The following ABCC4 variants were observed in gnomAD, a reference collection of about 807,000 sequenced individuals.
The protein encoded by ABCC4 is ATP-binding cassette sub-family C member 4.
In ABCC4, 102 loss-of-function variants were observed where a neutral mutation model predicts 168.5. The ratio of observed to expected loss-of-function variants is 0.61; its 90% CI spans 0.52 to 0.71. ABCC4 has a LOEUF of 0.71. Ranked by LOEUF, ABCC4 falls within the 30% of genes least tolerant of loss-of-function variation. The pLI, the probability that ABCC4 is intolerant of heterozygous loss-of-function variation, is 0.00. For synonymous variants in ABCC4, 617 were observed against 590.7 expected (o/e 1.04, Z -0.65); for missense variants, 1,402 against 1,605.8 (o/e 0.87, Z 2.17).
chr13:95,241,133 G>C (rs1397107436), intron 3 of ABCC4, among the ~76,000 whole-genome samples: 1 of 152,012 alleles, frequency 6.6e-6, no homozygotes, highest in Non-Finnish European at 1.5e-5. Flanking sequence ...GGGAGGCCAA[G>C]GTGGGTGAAT....
intron 16 of ABCC4, 129 bp downstream of exon 16, chr13:95,164,249 C>T: frequency 8.7e-7 from 1 of 1,156,002 alleles, no homozygotes; most frequent in Non-Finnish European, 1.2e-6. Context: ...AGGCAGCCCT[C>T]ACTTTGTTCC....
chr13:95,253,041 T>G (rs576124274), intron 1 of ABCC4, among the ~76,000 whole-genome samples: 46 of 152,340 alleles, frequency 3.0e-4, no homozygotes, highest in Admixed American at 5.2e-4. Flanking sequence ...GAATGCCTTT[T>G]ATTCCTCATT....
intron 4 of ABCC4, 91 bp downstream of exon 4, chr13:95,234,519 T>G: frequency 9.6e-7 from 1 of 1,044,656 alleles, no homozygotes; most frequent in Non-Finnish European, 1.4e-6. Context: ...GTGCAGTGGC[T>G]ATTTATGCAG....
Position 95,201,276 on chromosome 13 carries a change from T to TG in ABCC4, c.1161+5255dup, listed in dbSNP as rs532199324. On this transcript the variant is annotated intron_variant, in intron 8 of 30. Coordinates refer to ENST00000645237, the MANE Select transcript of ABCC4 (RefSeq NM_005845.5). ...TAGACACAGGTGAGTTGCATTTTGGTGGGAAAAAAATAAAAAATCCTAAGG... is the reference window on the plus strand; with the variant it reads ...TAGACACAGGTGAGTTGCATTTTGGTGGGGAAAAAAATAAAAAATCCTAAGG... Among the ~76,000 whole-genome samples the TG allele has an allele frequency of 1.1e-3, 171 of 152,260 alleles. 1 individual carries two copies. Among genetic ancestry groups the TG allele is most frequent in the African/African-American group, 4.0e-3 (166 of 41,552 alleles).
rs551486632 is a variant in ABCC4, at chr13:95,121,868, C to A, written c.2456-5867G>T. Reference sequence around the variant, plus strand: ...ACATAGGGCCTTACATCCATTGGGACCTTCACATAGAGATTGCCTCTGAAG... The same window carrying A: ...ACATAGGGCCTTACATCCATTGGGAACTTCACATAGAGATTGCCTCTGAAG... On this transcript the variant is annotated intron_variant, in intron 19 of 30. Coordinates refer to ENST00000645237, the MANE Select transcript of ABCC4 (RefSeq NM_005845.5). 7.9e-5 allele frequency among the ~76,000 whole-genome samples: 12 copies of A among 152,288 alleles called. No homozygotes were observed. The South Asian group carries it at 2.3e-3, about 29-fold the overall frequency.
At chr13:95,021,895 G>A (rs1443085835) in intron 30 of ABCC4, among the ~76,000 whole-genome samples, 1 of 152,132 alleles carries the variant, frequency 6.6e-6, no homozygotes, top group Admixed American at 6.5e-5. Flanking sequence ...ACAACCTGTA[G>A]ATCCATTTTA....
chr13:95,265,872 A>T (rs1367592751), intron 1 of ABCC4, among the ~76,000 whole-genome samples: 1 of 152,168 alleles, frequency 6.6e-6, no homozygotes, highest in Non-Finnish European at 1.5e-5. Context: ...AGACTTAGAT[A>T]ACTGTGAAGG....
At chr13:95,073,143 C>G in intron 24 of ABCC4, 61 bp downstream of exon 24, 1 of 1,376,420 alleles carries the variant, frequency 7.3e-7, no homozygotes, top group East Asian at 2.3e-5. Flanking sequence ...ATAAGAATGG[C>G]TTTTATACCA....
intron 25 of ABCC4, among the ~76,000 whole-genome samples, chr13:95,064,260 G>GTGTATATA (rs1269029410): frequency 4.2e-4 from 9 of 21,498 alleles, no homozygotes; most frequent in African/African-American, 1.5e-3. Context: ...GTGTGTGTGT[G>GTGTATATA]TATATATATA....
chr13:95,291,047 G>A (rs1366232849), intron 1 of ABCC4, among the ~76,000 whole-genome samples: 5 of 146,968 alleles, frequency 3.4e-5, no homozygotes, highest in African/African-American at 1.2e-4. Flanking sequence ...CCCTTTTCTT[G>A]GTAGGGTTTC....
At chr13:95,296,157 CACACACACACACACACACACACACACAA>C (rs1325625856) in intron 1 of ABCC4, among the ~76,000 whole-genome samples, 2 of 63,602 alleles carry the variant, frequency 3.1e-5, no homozygotes, top group Admixed American at 2.5e-4. Context: ...CACACACACA[CACACACACACACACACACACACACACAA>C]AAACACAAAA....
chr13:95,037,529 C>T (rs2032173611), intron 29 of ABCC4, among the ~76,000 whole-genome samples: 1 of 152,192 alleles, frequency 6.6e-6, no homozygotes, highest in South Asian at 2.1e-4. Flanking sequence ...ACAACTTAGC[C>T]TAGGCTGCAC....
intron 19 of ABCC4, among the ~76,000 whole-genome samples, chr13:95,124,912 T>A (rs1030374875): frequency 6.6e-6 from 1 of 150,790 alleles, no homozygotes; most frequent in Non-Finnish European, 1.5e-5. Context: ...AAAATAATAA[T>A]AATATAAAGG....
intron 8 of ABCC4, among the ~76,000 whole-genome samples, chr13:95,201,700 C>T (rs983238050): frequency 2.0e-5 from 3 of 152,024 alleles, no homozygotes; most frequent in Non-Finnish European, 4.4e-5. Context: ...GGGCCGGGTG[C>T]GGTGGCTTAT....
intron 1 of ABCC4, among the ~76,000 whole-genome samples, chr13:95,284,294 C>T (rs2041204414): frequency 6.6e-6 from 1 of 152,144 alleles, no homozygotes; most frequent in Non-Finnish European, 1.5e-5. Flanking sequence ...TCAGGTGATC[C>T]TCCCACCTCA....
chr13:95,083,956 C>T (rs9590177), intron 20 of ABCC4, among the ~76,000 whole-genome samples: 4,883 of 152,048 alleles, frequency 0.032, 263 homozygotes, highest in African/African-American at 0.11. Flanking sequence ...TGATGTTATG[C>T]GGGAAATGAG....
At chr13:95,231,400 T>C (rs2039617049) in intron 4 of ABCC4, among the ~76,000 whole-genome samples, 1 of 152,244 alleles carries the variant, frequency 6.6e-6, no homozygotes, top group Non-Finnish European at 1.5e-5. Flanking sequence ...TCAGACATCC[T>C]GCAAGATCAT....
chr13:95,212,410 T>G (rs2038987097), intron 4 of ABCC4, among the ~76,000 whole-genome samples: 1 of 152,160 alleles, frequency 6.6e-6, no homozygotes, highest in Non-Finnish European at 1.5e-5. Flanking sequence ...ATACCACATT[T>G]TTAAAGCATG....
chr13:95,125,664 GA>G (rs973748040), intron 19 of ABCC4, among the ~76,000 whole-genome samples: 1 of 152,172 alleles, frequency 6.6e-6, no homozygotes, highest in African/African-American at 2.4e-5. Flanking sequence ...GGGCAAAGCC[GA>G]ATCACTCATT....
Sources: allele counts gnomAD v4.1 joint callset (sites outside exome capture counted in the v4.1 genomes callset), GRCh38; gene constraint gnomAD v4.1.1; transcripts MANE v1.5; gene names NCBI Gene and HGNC (gene_info 2026-07-23, HGNC 2026-07-21).